Variants in STXBP5L observed in about 807,000 individuals in gnomAD.
The protein encoded by STXBP5L is syntaxin binding protein 5L.
STXBP5L carries 65 observed loss-of-function variants against 144.5 expected under a neutral mutation model. That is an observed-to-expected ratio of 0.45 (90% CI 0.37 to 0.55). The LOEUF (loss-of-function observed/expected upper bound fraction) is 0.55, where lower values mean the gene tolerates loss of function less well. Among genes scored for constraint, STXBP5L ranks in the 20% least tolerant of loss-of-function variants. The pLI is 0.00. For missense variants in STXBP5L, 1,298 were observed against 1,405.5 expected (o/e 0.92, Z 1.22); for synonymous variants, 505 against 469.6 (o/e 1.08, Z -0.97).
chr3:121,371,754 G>A (rs2046036282), intron 20 of STXBP5L, among the ~76,000 whole-genome samples: 1 of 152,208 alleles, frequency 6.6e-6, no homozygotes, highest in Non-Finnish European at 1.5e-5. Flanking sequence ...GGTAGTGGTG[G>A]CCGCCCAGTG....
At chr3:120,981,666 C>A (rs1231097362) in intron 3 of STXBP5L, among the ~76,000 whole-genome samples, 2 of 152,090 alleles carry the variant, frequency 1.3e-5, no homozygotes, top group Non-Finnish European at 2.9e-5. Context: ...ATTTTGAATT[C>A]TTTATCTTTG....
At chr3:121,416,094 A>C in intron 25 of STXBP5L, 126 bp downstream of exon 25, 1 of 681,138 alleles carries the variant, frequency 1.5e-6, no homozygotes, top group Non-Finnish European at 2.4e-6. Flanking sequence ...TTTTGCATCT[A>C]TCTTAAAGTT....
At chr3:120,993,120 G>A (rs1309952839) in intron 3 of STXBP5L, among the ~76,000 whole-genome samples, 1 of 151,868 alleles carries the variant, frequency 6.6e-6, no homozygotes. Context: ...GTCTGCCCTG[G>A]TCTTTTGCCC....
chr3:121,028,966 A>G (rs1028923413), intron 3 of STXBP5L, among the ~76,000 whole-genome samples: 1 of 152,050 alleles, frequency 6.6e-6, no homozygotes, highest in Non-Finnish European at 1.5e-5. Context: ...GGAATACAAC[A>G]TACAAGGGAT....
At chr3:121,354,785 A>T (rs538556951) in intron 20 of STXBP5L, among the ~76,000 whole-genome samples, 1 of 152,264 alleles carries the variant, frequency 6.6e-6, no homozygotes, top group South Asian at 2.1e-4. Context: ...TCTTCCTAGC[A>T]TCTATGATCT....
chr3:121,131,517 G>A lies in STXBP5L; in HGVS notation c.669+9813G>A, dbSNP rs556795133. ...ATGGCCAGTGGGACAAATATGGCCT[G>A]CCTGTTATTATTTTAAATAAAGTTT... is the stretch of plus-strand genomic sequence containing the variant. On this transcript the variant is annotated intron_variant, in intron 7 of 26. Coordinates refer to ENST00000471454, the MANE Select transcript of STXBP5L (RefSeq NM_001308330.2). 4.3e-3 allele frequency among the ~76,000 whole-genome samples: 647 copies of A among 152,232 alleles called. 5 individuals are homozygous for A. The highest frequency in any genetic ancestry group is 0.015 in the African/African-American group (617 of 41,560).
chr3:121,367,790 C>CTTTTTCT (rs2045908921), intron 20 of STXBP5L, among the ~76,000 whole-genome samples: 1 of 106,304 alleles, frequency 9.4e-6, no homozygotes, highest in Non-Finnish European at 1.8e-5. Flanking sequence ...TTTGCTTTTC[C>CTTTTTCT]TTTTTTTTTT....
chr3:121,270,870 A>G (rs545702656), intron 18 of STXBP5L, among the ~76,000 whole-genome samples: 28 of 152,298 alleles, frequency 1.8e-4, no homozygotes, highest in South Asian at 8.3e-4. Context: ...GCATTTTGGC[A>G]GGAATACCAC....
chr3:121,045,608 G>T, intron 5 of STXBP5L, 73 bp downstream of exon 5: 1 of 1,343,156 alleles, frequency 7.4e-7, no homozygotes, highest in South Asian at 1.3e-5. Context: ...TTGTTAACTT[G>T]ACAGGCTTTT....
At chr3:121,095,606 A>G (rs2043077609) in intron 5 of STXBP5L, among the ~76,000 whole-genome samples, 1 of 152,178 alleles carries the variant, frequency 6.6e-6, no homozygotes, top group African/African-American at 2.4e-5. Context: ...CATTCATCAT[A>G]TAGTTCTCAT....
At chr3:121,000,590 C>G (rs1370227044) in intron 3 of STXBP5L, among the ~76,000 whole-genome samples, 1 of 152,146 alleles carries the variant, frequency 6.6e-6, no homozygotes, top group Non-Finnish European at 1.5e-5. Flanking sequence ...CCATTGCCAT[C>G]CAGATCCTGA....
Position 121,052,521 on chromosome 3 carries a change from A to G in STXBP5L, c.470+6986A>G, listed in dbSNP as rs1268846361. 2.0e-5 allele frequency among the ~76,000 whole-genome samples: 3 copies of G among 152,330 alleles called. No homozygotes were observed. In the East Asian group the frequency reaches 5.8e-4, roughly 29 times the overall value. ...ACATGATTATCTCAATAGATGCATAAAAGGCCTTTGACAAAATTCAACAAC... is the reference window on the plus strand; with the variant it reads ...ACATGATTATCTCAATAGATGCATAGAAGGCCTTTGACAAAATTCAACAAC... On this transcript the variant is annotated intron_variant, in intron 5 of 26. Coordinates refer to ENST00000471454, the MANE Select transcript of STXBP5L (RefSeq NM_001308330.2).
At position 121,378,878 on chromosome 3, in the gene STXBP5L, C is replaced by T; in HGVS notation, c.2339C>T (p.Thr780Ile). 2 of 1,612,346 alleles carry T rather than the reference C, an allele frequency of 1.2e-6. No homozygotes were observed. Among genetic ancestry groups the T allele is most frequent in the Non-Finnish European group, 1.7e-6 (2 of 1,179,244 alleles). Residue 780 changes from threonine to isoleucine, a missense_variant, in exon 21 of 27, where the codon ACA (threonine) becomes ATA (isoleucine). Transcript: ENST00000471454. ...AACMEISLPVTTEENRENSYN... is the reference protein window; with the variant it reads ...AACMEISLPVITEENRENSYN... ...TGCATGGAGATTTCTTTACCAGTTACAACAGAAGGTATGTTAAACATATTA... is the reference window on the plus strand; with the variant it reads ...TGCATGGAGATTTCTTTACCAGTTATAACAGAAGGTATGTTAAACATATTA...
At chr3:121,033,396 G>C (rs1205797831) in intron 3 of STXBP5L, among the ~76,000 whole-genome samples, 4 of 107,222 alleles carry the variant, frequency 3.7e-5, no homozygotes, top group Admixed American at 2.2e-4. Context: ...ACAGGAAGGG[G>C]AATATCACAC....
intron 19 of STXBP5L, among the ~76,000 whole-genome samples, chr3:121,300,443 G>A (rs1362382861): frequency 6.6e-6 from 1 of 152,072 alleles, no homozygotes; most frequent in Non-Finnish European, 1.5e-5. Flanking sequence ...TGTATTATGG[G>A]ATTTATAACA....
At chr3:121,332,556 A>C (rs2044355575) in intron 20 of STXBP5L, among the ~76,000 whole-genome samples, 1 of 152,038 alleles carries the variant, frequency 6.6e-6, no homozygotes, top group South Asian at 2.1e-4. Flanking sequence ...AATTCAATCA[A>C]ACAAAAATAA....
At chr3:121,388,893 T>A (rs746529315) in intron 22 of STXBP5L, among the ~76,000 whole-genome samples, 5 of 152,252 alleles carry the variant, frequency 3.3e-5, no homozygotes, top group Non-Finnish European at 7.3e-5. Context: ...ATAAGGATGA[T>A]GTGGGCCTCA....
Position 120,971,740 on chromosome 3 carries a change from A to G in STXBP5L, c.287+16703A>G, listed in dbSNP as rs72966758. Among the ~76,000 whole-genome samples, 374 of 150,300 alleles carry G rather than the reference A, an allele frequency of 2.5e-3. 2 individuals are homozygous for G. Among genetic ancestry groups the G allele is most frequent in the African/African-American group, 8.5e-3 (350 of 40,942 alleles). ...TATGTACACACACATATATGTGTGT[A>G]TATATATATCACATTTTATATATGT... On this transcript the variant is annotated intron_variant, in intron 3 of 26. Transcript: ENST00000471454.
intron 2 of STXBP5L, among the ~76,000 whole-genome samples, chr3:120,936,234 T>C (rs745896643): frequency 9.2e-5 from 14 of 152,192 alleles, no homozygotes; most frequent in Non-Finnish European, 1.6e-4. Flanking sequence ...TCTGCTTAAA[T>C]TACCCACCTG....
Sources: allele counts gnomAD v4.1 joint callset (sites outside exome capture counted in the v4.1 genomes callset), GRCh38; gene constraint gnomAD v4.1.1; transcripts MANE v1.5; gene names NCBI Gene and HGNC (gene_info 2026-07-23, HGNC 2026-07-21).